Variants in DEPDC5 observed in about 807,000 individuals in gnomAD.
DEPDC5 encodes GATOR1 complex protein DEPDC5.
DEPDC5 carries 73 observed loss-of-function variants against 217.3 expected under a neutral mutation model. The observed-to-expected ratio is 0.34, with a 90% CI of 0.28 to 0.41. The LOEUF is 0.41. Ranked by LOEUF, DEPDC5 falls within the 10% of genes least tolerant of loss-of-function variation. The probability of loss-of-function intolerance (pLI) is 1.00; values close to 1 mark genes in which losing one functional copy is unlikely to be tolerated. For synonymous variants in DEPDC5, 733 were observed against 756.7 expected, an observed-to-expected ratio of 0.97 and a Z score of 0.51; for missense variants, 1,675 against 2,070.1, an observed-to-expected ratio of 0.81 and a Z score of 3.70.
At chr22:31,780,488 C>T (rs111452604) in intron 8 of DEPDC5, among the ~76,000 whole-genome samples, 11 of 152,236 alleles carry the variant, frequency 7.2e-5, no homozygotes, top group African/African-American at 2.6e-4. Flanking sequence ...ATGTGTTGTT[C>T]CCCACTGCCC....
chr22:31,766,993 A>C (rs941984354), intron 6 of DEPDC5, among the ~76,000 whole-genome samples: 1 of 152,114 alleles, frequency 6.6e-6, no homozygotes, highest in African/African-American at 2.4e-5. Context: ...TATTATCCCT[A>C]ATTTATAGAG....
At chr22:31,879,475 A>C (rs2093114358) in intron 37 of DEPDC5, 50 bp from the exon 38 acceptor site, 3 of 1,555,012 alleles carry the variant, frequency 1.9e-6, no homozygotes, top group Non-Finnish European at 2.6e-6. Context: ...ATCATGAAGA[A>C]AATAAGCATT....
chr22:31,906,019 C>G lies in DEPDC5; in HGVS notation c.4472C>G (p.Ala1491Gly). The change falls in exon 42 of 43, where the codon GCT becomes GGT. Residue 1491 changes from alanine to glycine, a missense_variant. By Grantham distance (60) the Ala-to-Gly change is moderately conservative. This residue lies in a region of DEPDC5 where 182 missense variants were observed against 290.1 expected (regional missense o/e 0.63). Coordinates refer to ENST00000651528, the MANE Select transcript of DEPDC5 (RefSeq NM_001242896.3). This position sits in a 1 kb window ranked among gnomAD's most constrained non-coding sequence, Gnocchi z 5.1. ...GFVQDKYSAS[A>G]FNFPAENKPQ... is the part of the protein sequence containing the mutation. ...GTACAAGATAAATATTCTGCCTCTG[C>G]TTTTAACTTCCCTGCTGAGAACAAG... 6.2e-7 allele frequency: 1 copy of G among 1,614,184 alleles called. No homozygotes were observed. The highest frequency in any genetic ancestry group is 2.2e-5 in the East Asian group (1 of 44,880).
rs200421648 is a variant in DEPDC5, at chr22:31,778,099, A to G, written c.414A>G (p.Arg138=). Residue 138 remains arginine, a splice_region_variant and synonymous_variant, in exon 8 of 43, where the codon AGA becomes AGG. Transcript: ENST00000651528. The stretch of plus-strand genomic sequence containing the variant: ...ATAACTTGTGTGTGTATTCTTTCAG[A>G]GCACAGGCTGGTGAACTGTGGGTTA... ...ITQKVEFAGI[R]AQAGELWVKN... 13 of 1,614,204 alleles carry G rather than the reference A, an allele frequency of 8.1e-6. No homozygotes were observed. The highest frequency in any genetic ancestry group is 1.0e-5 in the Non-Finnish European group (12 of 1,180,026).
At chr22:31,846,542 C>T (rs560988487) in intron 30 of DEPDC5, among the ~76,000 whole-genome samples, 1 of 152,306 alleles carries the variant, frequency 6.6e-6, no homozygotes, top group East Asian at 1.9e-4. Flanking sequence ...CTTAACCTCT[C>T]TGAGCTTCAG....
intron 33 of DEPDC5, among the ~76,000 whole-genome samples, chr22:31,866,329 A>G (rs2092688379): frequency 6.6e-6 from 1 of 152,030 alleles, no homozygotes; most frequent in Non-Finnish European, 1.5e-5. Flanking sequence ...AATCTTGGGT[A>G]CCACATTGCC....
intron 31 of DEPDC5, among the ~76,000 whole-genome samples, chr22:31,848,090 C>T (rs1307033767): frequency 6.6e-6 from 1 of 152,246 alleles, no homozygotes; most frequent in Non-Finnish European, 1.5e-5. Context: ...GATTCCAAGT[C>T]TCACATTCAG....
chr22:31,876,184 C>T lies in DEPDC5; in HGVS notation c.3724C>T (p.His1242Tyr). 6.2e-7 allele frequency: 1 copy of T among 1,614,152 alleles called. No homozygotes were observed. Among genetic ancestry groups the T allele is most frequent in the Non-Finnish European group, 8.5e-7 (1 of 1,180,028 alleles). ...AATGCTGGAAGAGCAGCTCATCACA[C>T]ATGCATCTGGCGAAGCCTGGCGGAC... The part of the protein sequence containing the change: ...QKMLEEQLIT[H>Y]ASGEAWRTFI... Residue 1242 changes from histidine to tyrosine, a missense_variant, in exon 37 of 43, where the codon CAT becomes TAT. Physicochemically the swap from His to Tyr is moderately conservative, Grantham distance 83 (BLOSUM62 2). This residue lies in a region of DEPDC5 where 194 missense variants were observed against 199.3 expected (regional missense o/e 0.97). Coordinates refer to ENST00000651528, the MANE Select transcript of DEPDC5 (RefSeq NM_001242896.3).
chr22:31,876,044 G>A (rs1569174780), intron 36 of DEPDC5, 113 bp from the exon 37 acceptor site: 1 of 769,350 alleles, frequency 1.3e-6, no homozygotes, highest in Non-Finnish European at 2.2e-6. Flanking sequence ...TGGGGGTGGA[G>A]GGTAGGGTCT....
rs992118771 is a variant in DEPDC5, at chr22:31,844,833, G to A, written c.2802-185G>A. 259 of 651,622 alleles carry A rather than the reference G, an allele frequency of 4.0e-4. 1 individual carries two copies. In the East Asian group the frequency reaches 5.4e-3, roughly 14 times the overall value. 40.4% of individuals were successfully genotyped at this position (651,622 alleles called of 1,614,324 possible). ...GCCTCCCAAAGTGCTGGGATTATAG[G>A]TGTGAGCCACCATGCCCATTCTCAG... On this transcript the variant is annotated intron_variant, in intron 29 of 42. Transcript: ENST00000651528.
intron 24 of DEPDC5, among the ~76,000 whole-genome samples, chr22:31,831,502 G>A (rs1239286973): frequency 6.6e-6 from 1 of 152,086 alleles, no homozygotes; most frequent in Non-Finnish European, 1.5e-5. Flanking sequence ...CTGTGGCCCA[G>A]GCTGGAGTGC....
At chr22:31,786,444 A>G (rs560552222) in intron 10 of DEPDC5, among the ~76,000 whole-genome samples, 1 of 149,412 alleles carries the variant, frequency 6.7e-6, no homozygotes, top group African/African-American at 2.4e-5. Context: ...AAAAAAAAAA[A>G]AGGGAAAAAA....
At chr22:31,798,761 C>A in intron 14 of DEPDC5, 105 bp downstream of exon 14, 1 of 1,111,316 alleles carries the variant, frequency 9.0e-7, no homozygotes. Context: ...TTGGATCTTG[C>A]AGAAGAAAGA....
At chr22:31,792,177 A>G in intron 11 of DEPDC5, 75 bp downstream of exon 11, 1 of 1,133,132 alleles carries the variant, frequency 8.8e-7, no homozygotes, top group Non-Finnish European at 1.3e-6. Flanking sequence ...ATTTCCTTTC[A>G]TTTTTTTCCT....
intron 39 of DEPDC5, 110 bp downstream of exon 39, chr22:31,893,861 C>A: frequency 8.2e-7 from 1 of 1,226,018 alleles, no homozygotes; most frequent in Non-Finnish European, 1.1e-6. Flanking sequence ...GCTCTTATTA[C>A]CATTCATCGG....
chr22:31,899,471 C>T (rs557047247), intron 40 of DEPDC5, among the ~76,000 whole-genome samples: 285 of 152,240 alleles, frequency 1.9e-3, no homozygotes, highest in Non-Finnish European at 3.4e-3. Flanking sequence ...TCACTGCAAC[C>T]TCCGCCTCCT....
intron 18 of DEPDC5, among the ~76,000 whole-genome samples, chr22:31,807,484 T>C (rs1004280799): frequency 3.3e-5 from 5 of 152,184 alleles, no homozygotes; most frequent in African/African-American, 1.2e-4. Context: ...CAAGCTGGAG[T>C]GCAGTGGCGT....
chr22:31,760,170 C>A (rs975205820), intron 3 of DEPDC5, among the ~76,000 whole-genome samples: 3 of 151,960 alleles, frequency 2.0e-5, no homozygotes, highest in African/African-American at 7.3e-5. Context: ...CGGGTTCACG[C>A]CATTCTCCTG....
rs770445150 is a variant in DEPDC5, at chr22:31,821,571, G to A, written c.1940G>A (p.Gly647Glu). Residue 647 changes from glycine to glutamate, a missense_variant, in exon 23 of 43, where the codon GGG (glycine) becomes GAG (glutamate). Transcript: ENST00000651528. ...RQNMAELQGSGQRDPTHSSAE... is the reference protein window; with the variant it reads ...RQNMAELQGSEQRDPTHSSAE... ...AATATGGCGGAGCTACAAGGCAGCG[G>A]GCAGAGGGATCCAACTCACTCCTCT... is the stretch of plus-strand genomic sequence containing the variant. The A allele has an allele frequency of 6.2e-7, 1 of 1,614,190 alleles. No individual in the cohort carries two copies. The highest frequency in any genetic ancestry group is 8.5e-7 in the Non-Finnish European group (1 of 1,180,030).
Sources: gnomAD v4.1 joint callset for allele counts (sites outside exome capture counted in the v4.1 genomes callset) on GRCh38, gnomAD v4.1.1 for gene constraint, gnomAD v4.1.1 regional missense constraint, Gnocchi (gnomAD v3.1) non-coding constraint, MANE v1.5 for transcripts, NCBI Gene and HGNC (gene_info 2026-07-23, HGNC 2026-07-21) for gene names.